The following TSPAN16 variants were observed in gnomAD, a reference collection of about 807,000 sequenced individuals.
The protein encoded by TSPAN16 is tetraspanin 16.
TSPAN16 carries 23 observed loss-of-function variants against 25.2 expected under a neutral mutation model. The observed-to-expected ratio is 0.91, with a 90% CI of 0.66 to 1.29. TSPAN16 has a LOEUF of 1.29. TSPAN16 is among the 50% of genes most tolerant of loss of function. TSPAN16 has a pLI of 0.00. For missense variants in TSPAN16, 272 were observed against 299.9 expected (o/e 0.91, Z 0.69); for synonymous variants, 123 against 124.4 (o/e 0.99, Z 0.08).
chr19:11,318,172 A>G (rs539065336), downstream of TSPAN16, among the ~76,000 whole-genome samples: 42 of 151,752 alleles, frequency 2.8e-4, no homozygotes, highest in South Asian at 6.3e-3. Context: ...GACTACAGGC[A>G]CCCGCTACCA....
At chr19:11,305,538 T>TAATAAA (rs200284233) in intron 4 of TSPAN16, among the ~76,000 whole-genome samples, 1,938 of 149,502 alleles carry the variant, frequency 0.013, 26 homozygotes, top group African/African-American at 0.039. Flanking sequence ...TCAAAAAAAA[T>TAATAAA]AATAAAAATA....
At chr19:11,302,018 T>C (rs1330790871) in intron 4 of TSPAN16, among the ~76,000 whole-genome samples, 1 of 151,954 alleles carries the variant, frequency 6.6e-6, no homozygotes, top group Non-Finnish European at 1.5e-5. Flanking sequence ...GAGACGGGGT[T>C]TCACCATATG....
chr19:11,309,903 C>T (rs1437508929), intron 5 of TSPAN16, among the ~76,000 whole-genome samples: 1 of 152,054 alleles, frequency 6.6e-6, no homozygotes, highest in Non-Finnish European at 1.5e-5. Flanking sequence ...GAGTTCAAGA[C>T]CAGCCTGAAC....
intron 5 of TSPAN16, among the ~76,000 whole-genome samples, chr19:11,307,244 C>T (rs1054328539): frequency 6.6e-6 from 1 of 151,844 alleles, no homozygotes; most frequent in Non-Finnish European, 1.5e-5. Context: ...CTCAGCCTCC[C>T]GAGTAGCTGG....
rs183262476 is a variant in TSPAN16 at position 11,307,662 on chromosome 19, A to C, written c.603+906A>C. On this transcript the variant is annotated intron_variant, in intron 5 of 6. Transcript: ENST00000590327. ...AGGCTGGTCTCGAACTCCTGGCCTC[A>C]AGCAATCCTCCTGCCTCAGCCTCTC... 2.1e-3 allele frequency among the ~76,000 whole-genome samples: 324 copies of C among 152,126 alleles called. 1 individual carries two copies. Among genetic ancestry groups the C allele is most frequent in the Middle Eastern group, 3.4e-3 (1 of 292 alleles).
At chr19:11,325,626 A>G (rs200965851) in intron 6 of TSPAN16, 1 of 1,552,402 alleles carries the variant, frequency 6.4e-7, no homozygotes, top group Non-Finnish European at 8.8e-7. Flanking sequence ...AAGACCCCTG[A>G]GGGCAGAGTC....
intron 6 of TSPAN16, chr19:11,323,121 A>C (rs931595211): frequency 1.3e-5 from 2 of 151,892 alleles, no homozygotes; most frequent in East Asian, 1.9e-4. Context: ...AAAAAAAAAA[A>C]AAACAAAAAA....
chr19:11,319,407 G>A (rs1335988454), downstream of TSPAN16, among the ~76,000 whole-genome samples: 2 of 152,096 alleles, frequency 1.3e-5, no homozygotes, highest in Non-Finnish European at 2.9e-5. Flanking sequence ...AGACCAGCCT[G>A]GCCTATATGA....
At chr19:11,304,247 T>C (rs2080601292) in intron 4 of TSPAN16, among the ~76,000 whole-genome samples, 1 of 151,512 alleles carries the variant, frequency 6.6e-6, no homozygotes, top group Non-Finnish European at 1.5e-5. Context: ...GGGAAAGCCA[T>C]TGCCTGTCTC....
At chr19:11,300,296 A>C (rs370210891) in intron 3 of TSPAN16, among the ~76,000 whole-genome samples, 1 of 152,342 alleles carries the variant, frequency 6.6e-6, no homozygotes, top group South Asian at 2.1e-4. Flanking sequence ...GACAGCCCAC[A>C]AAAGGGGATG....
chr19:11,325,267 G>C, intron 6 of TSPAN16: 3 of 641,290 alleles, frequency 4.7e-6, no homozygotes, highest in Non-Finnish European at 8.0e-6. Flanking sequence ...AATGAGCCAT[G>C]CAGGAGTCGG....
At chr19:11,319,876 G>A (rs899437611), downstream of TSPAN16, among the ~76,000 whole-genome samples, 1 of 151,934 alleles carries the variant, frequency 6.6e-6, no homozygotes, top group Admixed American at 6.6e-5. Context: ...ATGCAGTGAC[G>A]CGATCTTGGC....
intron 4 of TSPAN16, among the ~76,000 whole-genome samples, chr19:11,304,671 C>T (rs1043620462): frequency 2.6e-5 from 4 of 151,666 alleles, no homozygotes; most frequent in African/African-American, 4.9e-5. Flanking sequence ...ACCACAGGTG[C>T]CTGCCATCAC....
chr19:11,301,063 C>A, intron 3 of TSPAN16, 138 bp from the exon 4 acceptor site: 1 of 671,170 alleles, frequency 1.5e-6, no homozygotes, highest in Non-Finnish European at 2.7e-6. Flanking sequence ...CTAGCACAGA[C>A]CCCTGAGCTG....
chr19:11,302,976 G>T (rs2147941260), intron 4 of TSPAN16, among the ~76,000 whole-genome samples: 1 of 150,364 alleles, frequency 6.7e-6, no homozygotes, highest in Non-Finnish European at 1.5e-5. Context: ...CGTCCGGGAG[G>T]TGAGGGGCGC....
chr19:11,326,630 GTCTC>G (rs747327771), intron 6 of TSPAN16, among the ~76,000 whole-genome samples: 3 of 152,144 alleles, frequency 2.0e-5, no homozygotes, highest in African/African-American at 4.8e-5. Flanking sequence ...AAGAGAAACG[GTCTC>G]TCTCTATTGC....
At chr19:11,306,558 T>C (rs375133936) in intron 4 of TSPAN16, 46 bp from the exon 5 acceptor site, 2 of 1,609,646 alleles carry the variant, frequency 1.2e-6, no homozygotes, top group African/African-American at 2.7e-5. Context: ...CTGATGTTTT[T>C]ATTATTTGAA....
At chr19:11,313,021 T>C (rs2080709692) in intron 6 of TSPAN16, among the ~76,000 whole-genome samples, 1 of 152,096 alleles carries the variant, frequency 6.6e-6, no homozygotes, top group African/African-American at 2.4e-5. Flanking sequence ...CTACAGCAAG[T>C]AATGACATTA....
chr19:11,317,054 C>T (rs969134265), downstream of TSPAN16, among the ~76,000 whole-genome samples: 1 of 151,930 alleles, frequency 6.6e-6, no homozygotes, highest in Non-Finnish European at 1.5e-5. Flanking sequence ...CCGCCTGCCT[C>T]GGCCTCCCAA....
Sources: allele counts gnomAD v4.1 joint callset (sites outside exome capture counted in the v4.1 genomes callset), GRCh38; gene constraint gnomAD v4.1.1; transcripts MANE v1.5; gene names NCBI Gene and HGNC (gene_info 2026-07-23, HGNC 2026-07-21).